Variants in PRPF40B observed in about 807,000 individuals in gnomAD.
PRPF40B encodes pre-mRNA processing factor 40B.
In PRPF40B, 56 loss-of-function variants were observed where a neutral mutation model predicts 124.5. That is an observed-to-expected ratio of 0.45 (90% confidence interval 0.36 to 0.56). The LOEUF is 0.56. PRPF40B is among the 20% of genes least tolerant of loss of function. The pLI, the probability that PRPF40B is intolerant of heterozygous loss-of-function variation, is 0.00. For missense variants in PRPF40B, 1,053 were observed against 1,169.5 expected (o/e 0.90, Z 1.45); for synonymous variants, 443 against 426.4 (o/e 1.04, Z -0.48).
At position 49,643,180 on chromosome 12, in the gene PRPF40B, G is replaced by A. The variant is rs202231084; in HGVS notation, c.2206-43G>A. ...ATTCCCAGACGAGGGCTTCTGGAGG[G>A]CAGAGAACCTCTGCACTGACATGTA... On this transcript the variant is annotated intron_variant, in intron 22 of 25. Coordinates refer to ENST00000548825, the MANE Select transcript of PRPF40B (RefSeq NM_001031698.3). 335 of 1,609,676 alleles carry A rather than the reference G, an allele frequency of 2.1e-4. No homozygotes were observed. In the African/African-American group the frequency reaches 4.0e-3, roughly 19 times the overall value.
chr12:49,644,298 T>C lies in PRPF40B; in HGVS notation c.*106T>C. 1 of 1,309,322 alleles carries C rather than the reference T, an allele frequency of 7.6e-7. No individual in the cohort carries two copies. Among genetic ancestry groups the C allele is most frequent in the East Asian group, 2.5e-5 (1 of 40,360 alleles). 81.1% of individuals were successfully genotyped at this position (1,309,322 alleles called of 1,614,324 possible). A position where few individuals can be genotyped will look rare whatever the true frequency, so the allele number is the denominator to read the frequency against. On this transcript the variant is annotated 3_prime_UTR_variant, in exon 26 of 26. Transcript: ENST00000548825. ...CCTTAGTCTGGTCTGTGTCCACTTT[T>C]TCTAAAGTAACCCCACCCCCAGCAC...
intron 18 of PRPF40B, chr12:49,640,920 A>G (rs1187065548): frequency 6.6e-6 from 1 of 152,170 alleles, no homozygotes; most frequent in African/African-American, 2.4e-5. Context: ...CCTGAGAATG[A>G]ATGCTGTGTT....
chr12:49,624,327 A>G (rs1325879329), intron 1 of PRPF40B, among the ~76,000 whole-genome samples: 1 of 152,202 alleles, frequency 6.6e-6, no homozygotes. Context: ...AGCAAAGGAA[A>G]GGATGAAGAT....
rs1450558482 is a variant in PRPF40B, at chr12:49,631,686, G to A, written c.228+142G>A. 1.5e-5 allele frequency: 20 copies of A among 1,304,662 alleles called. No homozygotes were observed. The highest frequency in any genetic ancestry group is 2.2e-5 in the Non-Finnish European group (20 of 918,172). The allele number at this position is 1,304,662 out of a possible 1,614,324, so 80.8% of individuals were successfully genotyped here. A position where few individuals can be genotyped will look rare whatever the true frequency, so the allele number is the denominator to read the frequency against. ...ACCCATGTGGATTTGTCTGCTGAAT[G>A]ACTGAGACAACTCTCAGGCAAGGTG... On this transcript the variant is annotated intron_variant, in intron 3 of 25. Coordinates refer to ENST00000548825, the MANE Select transcript of PRPF40B (RefSeq NM_001031698.3). The surrounding 1 kb of genome is among the most constrained non-coding windows in gnomAD (Gnocchi z 4.3).
rs777224092 is a variant in PRPF40B at position 49,634,460 on chromosome 12, T to A, written c.936+5T>A. ...AAGGAACTGCTGAGGGACAAGGTGC[T>A]GGAGTGGGGCTCCCAGGGAAGGTTT... On this transcript the variant is annotated splice_donor_5th_base_variant and intron_variant, in intron 11 of 25. Transcript: ENST00000548825. 6.2e-7 allele frequency: 1 copy of A among 1,614,122 alleles called. No individual in the cohort carries two copies. The highest frequency in any genetic ancestry group is 8.5e-7 in the Non-Finnish European group (1 of 1,179,936).
intron 5 of PRPF40B, 82 bp downstream of exon 5, chr12:49,632,705 C>A (rs1240571496): frequency 6.3e-7 from 1 of 1,596,342 alleles, no homozygotes; most frequent in Non-Finnish European, 8.6e-7. Flanking sequence ...TGGAGCCCAC[C>A]CTGGATCATG....
At chr12:49,632,359 T>C (rs1592583572) in intron 4 of PRPF40B, 2 of 570,322 alleles carry the variant, frequency 3.5e-6, no homozygotes, top group South Asian at 2.5e-5. Context: ...GCCTCGGGAG[T>C]TGTCTCAACA....
chr12:49,631,388 T>A lies in PRPF40B; in HGVS notation c.85-13T>A. 6.6e-7 allele frequency: 1 copy of A among 1,511,786 alleles called. No homozygotes were observed. The highest frequency in any genetic ancestry group is 1.4e-5 in the South Asian group (1 of 72,586). The allele number at this position is 1,511,786 out of a possible 1,614,324, so 93.6% of individuals were successfully genotyped here. On this transcript the variant is annotated splice_polypyrimidine_tract_variant and intron_variant, in intron 2 of 25. Coordinates refer to ENST00000548825, the MANE Select transcript of PRPF40B (RefSeq NM_001031698.3). This position sits in a 1 kb window ranked among gnomAD's most constrained non-coding sequence, Gnocchi z 4.3. ...CTTCCCTGCTCAGTATCTCTTCCTT[T>A]ACTCATTTCCAGATGCCCCCTCCAG...
chr12:49,637,973 C>T, intron 18 of PRPF40B, 149 bp downstream of exon 18: 1 of 638,256 alleles, frequency 1.6e-6, no homozygotes, highest in East Asian at 2.7e-5. Flanking sequence ...ACTAGGGATA[C>T]AGTAATGAAT....
At position 49,638,025 on chromosome 12, in the gene PRPF40B, T is replaced by C. The variant is rs562688197; in HGVS notation, c.1767+201T>C. 62 of 571,980 alleles carry C rather than the reference T, an allele frequency of 1.1e-4. No homozygotes were observed. The Middle Eastern group carries it at 2.3e-3, about 21-fold the overall frequency. The allele number at this position is 571,980 out of a possible 1,614,324, so 35.4% of individuals were successfully genotyped here. A position where few individuals can be genotyped will look rare whatever the true frequency, so the allele number is the denominator to read the frequency against. The stretch of plus-strand genomic sequence containing the variant: ...AGGAGCTCATGGTCTAATAGGAAGA[T>C]ATACATGAGAACTGTTATACAAAGG... On this transcript the variant is annotated intron_variant, in intron 18 of 25. Coordinates refer to ENST00000548825, the MANE Select transcript of PRPF40B (RefSeq NM_001031698.3).
At chr12:49,637,675 A>G in intron 17 of PRPF40B, 58 bp from the exon 18 acceptor site, 3 of 1,513,068 alleles carry the variant, frequency 2.0e-6, no homozygotes, top group Non-Finnish European at 1.8e-6. Flanking sequence ...TCCTCGGCCC[A>G]GCCCCCAGGC....
intron 1 of PRPF40B, among the ~76,000 whole-genome samples, chr12:49,625,862 CG>C (rs1940662429): frequency 6.6e-6 from 1 of 152,042 alleles, no homozygotes; most frequent in African/African-American, 2.4e-5. Flanking sequence ...AGGAGAGGGA[CG>C]GGGTGTTTCA....
chr12:49,629,870 A>G (rs533938458), intron 1 of PRPF40B, among the ~76,000 whole-genome samples: 2 of 152,284 alleles, frequency 1.3e-5, no homozygotes, highest in Admixed American at 1.3e-4. Flanking sequence ...CCACAGGGAG[A>G]TAGTTCAGGA....
rs747410689 is a variant in PRPF40B, at chr12:49,635,352, A to G, written c.1167-13A>G. Reference sequence around the variant, plus strand: ...TTCTCTGTCTACCTACTCACAGCTTATATGCTCCACAGGCGGGCAGAACAG... The same window carrying G: ...TTCTCTGTCTACCTACTCACAGCTTGTATGCTCCACAGGCGGGCAGAACAG... On this transcript the variant is annotated splice_polypyrimidine_tract_variant and intron_variant, in intron 13 of 25. Transcript: ENST00000548825. This position sits in a 1 kb window ranked among gnomAD's most constrained non-coding sequence, Gnocchi z 4.1. 9.3e-6 allele frequency: 15 copies of G among 1,612,158 alleles called. 1 individual carries two copies. The highest frequency in any genetic ancestry group is 5.1e-6 in the Non-Finnish European group (6 of 1,179,252).
Position 49,631,585 on chromosome 12 carries a change from C to A in PRPF40B, c.228+41C>A. ...CCCCTGGGGCCTCAGAAAACCCTGT[C>A]AGTTTAGCTGGGGGTGGAGATAAGA... is the stretch of plus-strand genomic sequence containing the variant. On this transcript the variant is annotated intron_variant, in intron 3 of 25. Transcript: ENST00000548825. The surrounding 1 kb of genome is among the most constrained non-coding windows in gnomAD (Gnocchi z 4.3). 1 of 1,531,040 alleles carries A rather than the reference C, an allele frequency of 6.5e-7. No individual in the cohort carries two copies. Among genetic ancestry groups the A allele is most frequent in the Non-Finnish European group, 8.8e-7 (1 of 1,141,924 alleles). 94.8% of individuals were successfully genotyped at this position (1,531,040 alleles called of 1,614,324 possible).
chr12:49,641,838 G>A, intron 18 of PRPF40B, 70 bp from the exon 19 acceptor site: 1 of 1,313,856 alleles, frequency 7.6e-7, no homozygotes. Context: ...TCTGTAATGT[G>A]ACCACTCTGC....
chr12:49,632,996 G>GGGGGGCCCCCC lies in PRPF40B; in HGVS notation c.349-18_349-17insGGGGGCCCCCC, dbSNP rs1941379491. The GGGGGGCCCCCC allele has an allele frequency of 2.6e-6, 3 of 1,148,374 alleles. No individual in the cohort carries two copies. The highest frequency in any genetic ancestry group is 3.6e-6 in the Non-Finnish European group (3 of 823,484). The allele number at this position is 1,148,374 out of a possible 1,614,324, so 71.1% of individuals were successfully genotyped here. A position where few individuals can be genotyped will look rare whatever the true frequency, so the allele number is the denominator to read the frequency against. On this transcript the variant is annotated splice_polypyrimidine_tract_variant and intron_variant, in intron 6 of 25. Coordinates refer to ENST00000548825, the MANE Select transcript of PRPF40B (RefSeq NM_001031698.3). ...AAAGGGGCCTTGACCACCATTCTGT[G>GGGGGGCCCCCC]CCCCCCCCCCCACCCAGAGGGCCCT...
intron 16 of PRPF40B, 90 bp downstream of exon 16, chr12:49,636,939 G>C: frequency 6.3e-7 from 1 of 1,581,130 alleles, no homozygotes; most frequent in East Asian, 2.2e-5. Flanking sequence ...TGGATACGCT[G>C]CCTGTTCTTT....
At chr12:49,640,769 G>A (rs1942524583) in intron 18 of PRPF40B, 2 of 152,220 alleles carry the variant, frequency 1.3e-5, no homozygotes, top group African/African-American at 4.8e-5. Flanking sequence ...TGCATTTCAA[G>A]AGGTTTTGAA....
Sources: gnomAD v4.1 joint callset for allele counts (sites outside exome capture counted in the v4.1 genomes callset) on GRCh38, gnomAD v4.1.1 for gene constraint, Gnocchi (gnomAD v3.1) non-coding constraint, MANE v1.5 for transcripts, NCBI Gene and HGNC (gene_info 2026-07-23, HGNC 2026-07-21) for gene names.